Variants in CLIC6 observed in about 807,000 individuals in gnomAD.
CLIC6 encodes the protein CLIC family member 6, also known as chloride intracellular channel protein 6.
In CLIC6, 39 loss-of-function variants were observed where a neutral mutation model predicts 49.2. The observed-to-expected ratio is 0.79, with a 90% CI of 0.61 to 1.04. The LOEUF (loss-of-function observed/expected upper bound fraction) is 1.04. CLIC6 is among the 50% of genes least tolerant of loss of function. The pLI, the probability that CLIC6 is intolerant of heterozygous loss-of-function variation, is 0.00. For synonymous variants in CLIC6, 446 were observed against 433.4 expected, an observed-to-expected ratio of 1.03 and a Z score of -0.36; for missense variants, 988 against 993.1, an observed-to-expected ratio of 0.99 and a Z score of 0.07.
In CLIC6 at chr21:34,670,638, T is replaced by A. The variant is rs1317337533; in HGVS notation, c.1250T>A (p.Leu417Gln). The stretch of plus-strand genomic sequence containing the variant: ...CCTGAGGCCCAGCTCAGCAACCACC[T>A]GGCCGAGGAGGGCCCCGCCGAGGGT... Reference protein sequence around the residue: ...AEPEAQLSNHLAEEGPAEGSG... With the variant: ...AEPEAQLSNHQAEEGPAEGSG... The change falls in exon 1 of 6, where the codon CTG becomes CAG. Residue 417 changes from leucine to glutamine, a missense_variant. By Grantham distance (113) the Leu-to-Gln change is moderately radical (BLOSUM62 -2). Coordinates refer to ENST00000349499, the MANE Select transcript of CLIC6 (RefSeq NM_053277.3). 1.9e-6 allele frequency: 3 copies of A among 1,554,022 alleles called. No individual in the cohort carries two copies. The South Asian group carries it at 3.5e-5, about 18-fold the overall frequency.
At chr21:34,705,451 G>A (rs147415136) in intron 1 of CLIC6, among the ~76,000 whole-genome samples, 89 of 152,226 alleles carry the variant, frequency 5.8e-4, no homozygotes, top group Middle Eastern at 6.8e-3. Flanking sequence ...CCCATCTGCC[G>A]GGACTTGTTG....
Position 34,716,451 on chromosome 21 carries a change from C to T in CLIC6, c.2030C>T (p.Ala677Val), listed in dbSNP as rs1177875365. 2 of 1,612,394 alleles carry T rather than the reference C, an allele frequency of 1.2e-6. No homozygotes were observed. Among genetic ancestry groups the T allele is most frequent in the Non-Finnish European group, 1.7e-6 (2 of 1,179,428 alleles). Residue 677 changes from alanine (A) to valine (V), a missense_variant, in exon 6 of 6, where the codon GCA becomes GTA. Ala to Val is a moderately conservative substitution (Grantham distance 64). Coordinates refer to ENST00000349499, the MANE Select transcript of CLIC6 (RefSeq NM_053277.3). ...CCAGCTGATCAAGAGATTGAACACGCATATTCAGATGTTGCAAAAAGAATG... is the reference window on the plus strand; with the variant it reads ...CCAGCTGATCAAGAGATTGAACACGTATATTCAGATGTTGCAAAAAGAATG... ...TCPADQEIEH[A>V]YSDVAKRMK
At chr21:34,696,993 G>A (rs1292477300) in intron 1 of CLIC6, among the ~76,000 whole-genome samples, 1 of 152,088 alleles carries the variant, frequency 6.6e-6, no homozygotes, top group East Asian at 1.9e-4. Flanking sequence ...CTGCTGATGG[G>A]TTGGGGATGC....
chr21:34,703,919 A>G (rs1261432810), intron 1 of CLIC6, among the ~76,000 whole-genome samples: 1 of 152,228 alleles, frequency 6.6e-6, no homozygotes, highest in East Asian at 1.9e-4. Context: ...AAAGGCAAAC[A>G]TGCAATTCTG....
At chr21:34,716,298 G>A (rs2056084783) in intron 5 of CLIC6, 23 bp from the exon 6 acceptor site, 1 of 1,605,414 alleles carries the variant, frequency 6.2e-7, no homozygotes. Flanking sequence ...TCCCTTTACT[G>A]ATCATTTTCT....
Position 34,716,519 on chromosome 21 carries a change from G to A in CLIC6, c.*37G>A. On this transcript the variant is annotated 3_prime_UTR_variant, in exon 6 of 6. Coordinates refer to ENST00000349499, the MANE Select transcript of CLIC6 (RefSeq NM_053277.3). ...TTTCTGTCTTATTTCTCAGTTGAGTGAGCAAGGATACGAAAACAGTGTGTT... is the reference window on the plus strand; with the variant it reads ...TTTCTGTCTTATTTCTCAGTTGAGTAAGCAAGGATACGAAAACAGTGTGTT... The A allele has an allele frequency of 2.6e-6, 4 of 1,555,680 alleles. No homozygotes were observed. The highest frequency in any genetic ancestry group is 3.5e-6 in the Non-Finnish European group (4 of 1,146,544).
chr21:34,681,038 T>A (rs757230086), intron 1 of CLIC6, among the ~76,000 whole-genome samples: 2 of 152,256 alleles, frequency 1.3e-5, no homozygotes, highest in Non-Finnish European at 2.9e-5. Flanking sequence ...CAGTACCAAT[T>A]TACTGTGTTA....
Position 34,670,173 on chromosome 21 carries a change from C to T in CLIC6, c.785C>T (p.Ala262Val), listed in dbSNP as rs1989520167. The change falls in exon 1 of 6, where the codon GCG becomes GTG. Residue 262 changes from alanine to valine, a missense_variant. Physicochemically the swap from Ala to Val is moderately conservative, Grantham distance 64 (BLOSUM62 0). Transcript: ENST00000349499. ...GACCCGGCGGGGGACGGCGTAGAAG[C>T]GGGGGTCCCGGCGGGGGACAGCGTA... ...AGDPAGDGVE[A>V]GVPAGDSVEA... The T allele has an allele frequency of 5.7e-6, 5 of 878,470 alleles. No individual in the cohort carries two copies. The highest frequency in any genetic ancestry group is 7.5e-6 in the Non-Finnish European group (5 of 663,416). The allele number at this position is 878,470 out of a possible 1,614,324, so 54.4% of individuals were successfully genotyped here. A position where few individuals can be genotyped will look rare whatever the true frequency, so the allele number is the denominator to read the frequency against.
At position 34,709,108 on chromosome 21, in the gene CLIC6, C is replaced by T. The variant is rs529057368; in HGVS notation, c.1718-249C>T. The stretch of plus-strand genomic sequence containing the variant: ...CTGCCAGTCCACGTCTCCCCACAGG[C>T]TTTCCATAAGTATTTTTGAATAAAT... On this transcript the variant is annotated intron_variant, in intron 4 of 5. Coordinates refer to ENST00000349499, the MANE Select transcript of CLIC6 (RefSeq NM_053277.3). Among the ~76,000 whole-genome samples, 3 of 152,356 alleles carry T rather than the reference C, an allele frequency of 2.0e-5. No individual in the cohort carries two copies. In the East Asian group the frequency reaches 5.8e-4, roughly 29 times the overall value.
intron 1 of CLIC6, among the ~76,000 whole-genome samples, chr21:34,672,045 G>C (rs76648061): frequency 0.031 from 4,715 of 152,250 alleles, 247 homozygotes; most frequent in African/African-American, 0.11. Context: ...TCCCGTTGCT[G>C]TGGTTGTAAG....
rs78942326 is a variant in CLIC6 at position 34,689,973 on chromosome 21, C to T, written c.1375-17307C>T. On this transcript the variant is annotated intron_variant, in intron 1 of 5. Coordinates refer to ENST00000349499, the MANE Select transcript of CLIC6 (RefSeq NM_053277.3). ...CTTTTAGGAGCCATTCTGACTCTAGCTCTCTAGTCTTGAGGCTAGACAAGT... is the reference window on the plus strand; with the variant it reads ...CTTTTAGGAGCCATTCTGACTCTAGTTCTCTAGTCTTGAGGCTAGACAAGT... 8.3e-4 allele frequency among the ~76,000 whole-genome samples: 126 copies of T among 152,366 alleles called. 2 individuals carry two copies. The East Asian group carries it at 0.023, about 28-fold the overall frequency.
At chr21:34,692,778 A>G (rs1990019822) in intron 1 of CLIC6, among the ~76,000 whole-genome samples, 1 of 152,240 alleles carries the variant, frequency 6.6e-6, no homozygotes, top group Non-Finnish European at 1.5e-5. Flanking sequence ...GGAAAGAGGA[A>G]GAGAAGGCAG....
chr21:34,670,685 A>G lies in CLIC6; in HGVS notation c.1297A>G (p.Asn433Asp). 1 of 1,580,004 alleles carries G rather than the reference A, an allele frequency of 6.3e-7. No homozygotes were observed. The highest frequency in any genetic ancestry group is 2.3e-5 in the East Asian group (1 of 43,382). ...AEGSGEAARV[N>D]GRREDGEASE... ...GGGTAGCGGCGAGGCCGCGCGCGTGAACGGCCGCCGGGAGGACGGAGAGGC... is the reference window on the plus strand; with the variant it reads ...GGGTAGCGGCGAGGCCGCGCGCGTGGACGGCCGCCGGGAGGACGGAGAGGC... The change falls in exon 1 of 6, where the codon AAC becomes GAC. Residue 433 changes from asparagine (N) to aspartate (D), a missense_variant. By Grantham distance (23) the Asn-to-Asp change is conservative. Around this residue, in one of 3 missense-constraint regions of CLIC6, gnomAD observed 647 missense variants for 596.9 expected, o/e 1.08. Transcript: ENST00000349499.
intron 1 of CLIC6, among the ~76,000 whole-genome samples, chr21:34,697,866 G>C (rs1430168024): frequency 6.6e-6 from 1 of 152,226 alleles, no homozygotes; most frequent in African/African-American, 2.4e-5. Context: ...TGGTTTTGCT[G>C]TCTCTGGCTG....
In CLIC6 at chr21:34,669,494, G is replaced by C. The variant is rs893465584; in HGVS notation, c.106G>C (p.Gly36Arg). Residue 36 changes from glycine (G) to arginine (R), a missense_variant, in exon 1 of 6, where the codon GGG (glycine) becomes CGG (arginine). By Grantham distance (125) the Gly-to-Arg change is moderately radical (BLOSUM62 -2). Around this residue, in one of 3 missense-constraint regions of CLIC6, gnomAD observed 284 missense variants for 278.6 expected, o/e 1.02. Transcript: ENST00000349499. ...ERPGEPGAAG[G>R]EAEGPEGSEG... ...ACCCGGAGAGCCAGGAGCCGCGGGCGGGGAGGCAGAAGGGCCGGAGGGGAG... is the reference window on the plus strand; with the variant it reads ...ACCCGGAGAGCCAGGAGCCGCGGGCCGGGAGGCAGAAGGGCCGGAGGGGAG... The C allele has an allele frequency of 2.4e-6, 3 of 1,235,514 alleles. No homozygotes were observed. The highest frequency in any genetic ancestry group is 3.2e-5 in the East Asian group (1 of 31,670). The allele number at this position is 1,235,514 out of a possible 1,614,324, so 76.5% of individuals were successfully genotyped here. A position where few individuals can be genotyped will look rare whatever the true frequency, so the allele number is the denominator to read the frequency against.
At chr21:34,689,982 C>T (rs952410489) in intron 1 of CLIC6, among the ~76,000 whole-genome samples, 1 of 152,368 alleles carries the variant, frequency 6.6e-6, no homozygotes, top group East Asian at 1.9e-4. Flanking sequence ...GCTCTCTAGT[C>T]TTGAGGCTAG....
intron 1 of CLIC6, among the ~76,000 whole-genome samples, chr21:34,696,668 A>G (rs1462452807): frequency 6.6e-6 from 1 of 152,246 alleles, no homozygotes; most frequent in Non-Finnish European, 1.5e-5. Flanking sequence ...GCTCAGAACC[A>G]TGAGTAGTAC....
intron 1 of CLIC6, 73 bp from the exon 2 acceptor site, chr21:34,707,207 A>G: frequency 5.5e-6 from 6 of 1,093,748 alleles, no homozygotes; most frequent in Middle Eastern, 2.0e-4. Context: ...ATGATTTTGC[A>G]TGTGCATGTT....
chr21:34,711,244 G>T (rs1400143648), intron 5 of CLIC6, among the ~76,000 whole-genome samples: 3 of 152,066 alleles, frequency 2.0e-5, no homozygotes, highest in African/African-American at 4.8e-5. Flanking sequence ...GAAATTACAA[G>T]GTAGCGGCCA....
Sources: allele counts gnomAD v4.1 joint callset (sites outside exome capture counted in the v4.1 genomes callset), GRCh38; gene constraint gnomAD v4.1.1; regional missense constraint gnomAD v4.1.1; transcripts MANE v1.5; gene names NCBI Gene and HGNC (gene_info 2026-07-23, HGNC 2026-07-21).